Variants in STXBP4 observed in about 807,000 individuals in gnomAD.
STXBP4 encodes syntaxin-binding protein 4.
Under a neutral mutation model 76.1 loss-of-function variants are expected in STXBP4, and 55 were observed. That is an observed-to-expected ratio of 0.72 (90% confidence interval 0.58 to 0.91). STXBP4 has a LOEUF of 0.91. STXBP4 is among the 40% of genes least tolerant of loss of function. The pLI is 0.00. For synonymous variants in STXBP4, 201 were observed against 220.2 expected (o/e 0.91, Z 0.77); for missense variants, 618 against 636.9 (o/e 0.97, Z 0.32).
At chr17:54,988,856 A>G (rs534991223) in intron 3 of STXBP4, among the ~76,000 whole-genome samples, 3 of 152,234 alleles carry the variant, frequency 2.0e-5, no homozygotes, top group East Asian at 1.9e-4. Flanking sequence ...CTGATTGACT[A>G]TTGCCCTAGA....
chr17:55,182,445 A>G, the STXBP4 span, among the ~76,000 whole-genome samples: 1 of 152,204 alleles, frequency 6.6e-6, no homozygotes, highest in South Asian at 2.1e-4. Flanking sequence ...ACTAAAGGGC[A>G]TATGAAGTAC....
Position 55,172,259 on chromosome 17 carries a change from A to T in STXBP4, c.*12348A>T, listed in dbSNP as rs1170689196. On this transcript the variant is annotated 3_prime_UTR_variant, in exon 18 of 18. Coordinates refer to ENST00000376352, the MANE Select transcript of STXBP4 (RefSeq NM_178509.6). ...TAGCACATTAGAAACACCTGGAGAG[A>T]TTTTAAAATTTACAAAGCCTAGCCA... 2.0e-5 allele frequency: 3 copies of T among 152,178 alleles called. No individual in the cohort carries two copies. Among genetic ancestry groups the T allele is most frequent in the Non-Finnish European group, 4.4e-5 (3 of 68,066 alleles). 9.4% of individuals were successfully genotyped at this position (152,178 alleles called of 1,614,324 possible).
At chr17:55,112,966 TG>T (rs1456309405) in intron 16 of STXBP4, among the ~76,000 whole-genome samples, 1 of 152,144 alleles carries the variant, frequency 6.6e-6, no homozygotes, top group Admixed American at 6.5e-5. Flanking sequence ...TAAACATTTG[TG>T]ACTTTTAGAA....
At position 55,052,916 on chromosome 17, in the gene STXBP4, C is replaced by CGTGTGT. The variant is rs59163531; in HGVS notation, c.1011+5792_1011+5797dup. Among the ~76,000 whole-genome samples the CGTGTGT allele has an allele frequency of 8.5e-3, 814 of 95,668 alleles. 9 individuals carry two copies. Among genetic ancestry groups the CGTGTGT allele is most frequent in the African/African-American group, 0.018 (449 of 24,534 alleles). The allele number at this position is 95,668 out of a possible 152,430, so 62.8% of individuals were successfully genotyped here. ...AAAAAAAAAAAAAAGACGTGTATGACGTGTGTGTGTGTGTGTGTGTGTGTG... is the reference window on the plus strand; with the variant it reads ...AAAAAAAAAAAAAAGACGTGTATGACGTGTGTGTGTGTGTGTGTGTGTGTGTGTGTG... On this transcript the variant is annotated intron_variant, in intron 12 of 17. Coordinates refer to ENST00000376352, the MANE Select transcript of STXBP4 (RefSeq NM_178509.6).
intron 8 of STXBP4, among the ~76,000 whole-genome samples, chr17:55,013,290 A>G (rs752702097): frequency 1.1e-4 from 17 of 152,204 alleles, no homozygotes; most frequent in South Asian, 2.1e-4. Context: ...CCCCGTTGGC[A>G]AGCTTAACAC....
chr17:55,167,350 CTT>C lies in STXBP4; in HGVS notation c.*7442_*7443del, dbSNP rs1304514622. On this transcript the variant is annotated 3_prime_UTR_variant, in exon 18 of 18. Transcript: ENST00000376352. ...AAATGTAACATTAACATAAAAAACT[CTT>C]TTAGCTGTTTCCTGCTTCTGGCAGG... is the stretch of plus-strand genomic sequence containing the variant. 1.3e-5 allele frequency: 2 copies of C among 152,084 alleles called. No homozygotes were observed. Among genetic ancestry groups the C allele is most frequent in the African/African-American group, 4.8e-5 (2 of 41,394 alleles). 9.4% of individuals were successfully genotyped at this position (152,084 alleles called of 1,614,324 possible).
At chr17:55,154,602 TCA>T (rs2080256369) in intron 17 of STXBP4, among the ~76,000 whole-genome samples, 1 of 152,218 alleles carries the variant, frequency 6.6e-6, no homozygotes, top group Admixed American at 6.5e-5. Flanking sequence ...CTGTACTCTG[TCA>T]CTACAGAGTT....
chr17:55,001,408 G>A (rs1002797086), intron 7 of STXBP4, among the ~76,000 whole-genome samples: 2 of 151,880 alleles, frequency 1.3e-5, no homozygotes, highest in Non-Finnish European at 2.9e-5. Flanking sequence ...AAACAATAAA[G>A]CGTTAATTAT....
chr17:55,148,522 C>T (rs956511888), intron 17 of STXBP4, among the ~76,000 whole-genome samples: 7 of 151,068 alleles, frequency 4.6e-5, no homozygotes, highest in African/African-American at 1.2e-4. Flanking sequence ...AAATCCTTTA[C>T]AATTATTTTA....
At chr17:55,028,123 T>C (rs2078446505) in intron 8 of STXBP4, among the ~76,000 whole-genome samples, 1 of 152,160 alleles carries the variant, frequency 6.6e-6, no homozygotes, top group Admixed American at 6.5e-5. Context: ...TATTACTTTA[T>C]TATAGTATGT....
chr17:55,122,466 T>C (rs192495302), intron 16 of STXBP4, among the ~76,000 whole-genome samples: 3 of 152,264 alleles, frequency 2.0e-5, no homozygotes, highest in Admixed American at 6.5e-5. Context: ...TAGGAAGAGA[T>C]AAATGAAGGA....
rs777819585 is a variant in STXBP4 at position 54,999,463 on chromosome 17, A to G, written c.287+12A>G. The G allele has an allele frequency of 1.3e-6, 2 of 1,592,588 alleles. No homozygotes were observed. The highest frequency in any genetic ancestry group is 1.3e-5 in the African/African-American group (1 of 74,124). ...GGAGCCAAGTTGAGGTAACTATACT[A>G]TCCATGAGATAGAATGAGTCATTTA... On this transcript the variant is annotated intron_variant, in intron 5 of 17. Coordinates refer to ENST00000376352, the MANE Select transcript of STXBP4 (RefSeq NM_178509.6).
chr17:55,189,731 C>T, the STXBP4 span, among the ~76,000 whole-genome samples: 4 of 152,188 alleles, frequency 2.6e-5, no homozygotes, highest in Non-Finnish European at 4.4e-5. Context: ...AACAAGATTA[C>T]GCTCTGAAAA....
chr17:55,025,587 C>T (rs147632868), intron 8 of STXBP4, among the ~76,000 whole-genome samples: 2 of 152,200 alleles, frequency 1.3e-5, no homozygotes, highest in East Asian at 3.9e-4. Flanking sequence ...AAACCTAACA[C>T]CCTTGCATGA....
chr17:55,005,658 A>G (rs1435926599), intron 7 of STXBP4, among the ~76,000 whole-genome samples: 1 of 152,058 alleles, frequency 6.6e-6, no homozygotes, highest in African/African-American at 2.4e-5. Context: ...AACTCTTCCA[A>G]TCACTTAACA....
the STXBP4 span, among the ~76,000 whole-genome samples, chr17:55,212,687 C>T: frequency 0.012 from 1,852 of 152,208 alleles, 31 homozygotes; most frequent in African/African-American, 0.042. Flanking sequence ...GGCTGAAAAC[C>T]TAAGTCCATA....
chr17:55,201,205 C>G, the STXBP4 span, among the ~76,000 whole-genome samples: 1 of 152,176 alleles, frequency 6.6e-6, no homozygotes, highest in Non-Finnish European at 1.5e-5. Flanking sequence ...CACAGTCACA[C>G]TGGTATTTAA....
At chr17:55,073,801 T>C (rs2079149494) in intron 13 of STXBP4, among the ~76,000 whole-genome samples, 2 of 152,136 alleles carry the variant, frequency 1.3e-5, no homozygotes, top group East Asian at 3.9e-4. Context: ...GCTAATTTTT[T>C]GTATTTTTGT....
downstream of STXBP4, among the ~76,000 whole-genome samples, chr17:55,174,037 C>T (rs1347554631): frequency 2.0e-5 from 3 of 152,226 alleles, no homozygotes; most frequent in Admixed American, 6.5e-5. Flanking sequence ...ATCTCTCTCT[C>T]TGACCCAACC....
Sources: gnomAD v4.1 joint callset for allele counts (sites outside exome capture counted in the v4.1 genomes callset) on GRCh38, gnomAD v4.1.1 for gene constraint, MANE v1.5 for transcripts, NCBI Gene and HGNC (gene_info 2026-07-23, HGNC 2026-07-21) for gene names.